ACCSL: variants seen among roughly 807,000 people sequenced by gnomAD.
The protein encoded by ACCSL is probable inactive 1-aminocyclopropane-1-carboxylate synthase-like protein 2.
In ACCSL, 55 loss-of-function variants were observed where a neutral mutation model predicts 61.7. That is an observed-to-expected ratio of 0.89 (90% CI 0.72 to 1.12). The LOEUF (loss-of-function observed/expected upper bound fraction) is 1.12, where lower values mean the gene tolerates loss of function less well. Among genes scored for constraint, ACCSL ranks in the 50% most tolerant of loss-of-function variants. The probability of loss-of-function intolerance (pLI) is 0.00; values close to 1 mark genes in which losing one functional copy is unlikely to be tolerated. For missense variants in ACCSL, 632 were observed against 698.0 expected, an observed-to-expected ratio of 0.91 and a Z score of 1.07; for synonymous variants, 258 against 264.3, an observed-to-expected ratio of 0.98 and a Z score of 0.23.
At chr11:44,001,557 G>C in the ACCSL span, among the ~76,000 whole-genome samples, 25 of 152,068 alleles carry the variant, frequency 1.6e-4, no homozygotes, top group Admixed American at 1.6e-3. Context: ...CTGGCTTGTC[G>C]GGGGCAGAGT....
chr11:44,030,409 C>T, the ACCSL span, among the ~76,000 whole-genome samples: 15 of 151,630 alleles, frequency 9.9e-5, no homozygotes, highest in African/African-American at 2.7e-4. Context: ...CATCCCTCCC[C>T]GCCTATTCTC....
chr11:43,964,875 A>T, the ACCSL span, among the ~76,000 whole-genome samples: 1 of 152,226 alleles, frequency 6.6e-6, no homozygotes. Context: ...CAGAAAAAGC[A>T]TTTGACAAAA....
upstream of ACCSL, among the ~76,000 whole-genome samples, chr11:44,043,378 G>A (rs575956514): frequency 4.6e-5 from 7 of 152,268 alleles, no homozygotes; most frequent in South Asian, 1.4e-3. Context: ...GATTCTAAGT[G>A]GAGTTATTTT....
At chr11:43,982,721 C>T in the ACCSL span, among the ~76,000 whole-genome samples, 7 of 152,098 alleles carry the variant, frequency 4.6e-5, no homozygotes, top group African/African-American at 1.2e-4. Flanking sequence ...GCTCTGGTCC[C>T]GACTGAGCCA....
rs1457602569 is a variant in ACCSL at position 44,058,624 on chromosome 11, G to C, written c.1549G>C (p.Gly517Arg). ...FLDNKLLLSR[G>R]KTYMCKEPGW... is the part of the protein sequence containing the mutation. ...GGACAACAAGCTATTGTTATCCCGT[G>C]GCAAAACCTACATGTGTAAGGAGCC... The change falls in exon 13 of 14, where the codon GGC (glycine) becomes CGC (arginine). Residue 517 changes from glycine to arginine, a missense_variant. Coordinates refer to ENST00000378832, the MANE Select transcript of ACCSL (RefSeq NM_001031854.2). 1 of 1,613,922 alleles carries C rather than the reference G, an allele frequency of 6.2e-7. No homozygotes were observed. The highest frequency in any genetic ancestry group is 8.5e-7 in the Non-Finnish European group (1 of 1,180,008).
the ACCSL span, among the ~76,000 whole-genome samples, chr11:43,962,872 T>C: frequency 2.9e-4 from 44 of 152,294 alleles, no homozygotes; most frequent in African/African-American, 9.9e-4. Context: ...TCAAGGAAGA[T>C]GCATTTTCTG....
chr11:44,002,281 C>T, the ACCSL span, among the ~76,000 whole-genome samples: 1 of 152,036 alleles, frequency 6.6e-6, no homozygotes, highest in Non-Finnish European at 1.5e-5. Context: ...GGCCTGGCCT[C>T]GAAGGATTCT....
the ACCSL span, among the ~76,000 whole-genome samples, chr11:43,967,977 G>C: frequency 6.6e-6 from 1 of 152,120 alleles, no homozygotes; most frequent in Non-Finnish European, 1.5e-5. Context: ...TTATATACCA[G>C]GGATCTCGGT....
At chr11:43,925,306 T>C in the ACCSL span, 1 of 452,520 alleles carries the variant, frequency 2.2e-6, no homozygotes, top group Non-Finnish European at 4.5e-6. Context: ...CAGTGTTCTT[T>C]CTGCCACTCT....
the ACCSL span, among the ~76,000 whole-genome samples, chr11:44,030,057 A>ATTTTTTT: frequency 4.5e-4 from 2 of 4,446 alleles, no homozygotes; most frequent in Non-Finnish European, 8.2e-4. Context: ...TCTTTGGTTG[A>ATTTTTTT]TTTTTTTTTT....
At chr11:44,018,995 A>G in the ACCSL span, among the ~76,000 whole-genome samples, 1 of 151,970 alleles carries the variant, frequency 6.6e-6, no homozygotes, top group Non-Finnish European at 1.5e-5. Context: ...CCACTAATTC[A>G]TTTTCTGTCT....
At chr11:44,000,152 T>G in the ACCSL span, among the ~76,000 whole-genome samples, 3 of 151,852 alleles carry the variant, frequency 2.0e-5, no homozygotes, top group Non-Finnish European at 4.4e-5. Flanking sequence ...TGAGATGGAG[T>G]CTTGCTCTGT....
the ACCSL span, among the ~76,000 whole-genome samples, chr11:43,984,654 T>A: frequency 2.0e-5 from 3 of 152,394 alleles, no homozygotes; most frequent in African/African-American, 4.8e-5. Context: ...CTGTGGATCT[T>A]GCCAAGATGT....
chr11:43,981,855 C>G, the ACCSL span, among the ~76,000 whole-genome samples: 2 of 152,222 alleles, frequency 1.3e-5, no homozygotes, highest in African/African-American at 4.8e-5. Flanking sequence ...CTCCCCTCTC[C>G]CCGCCCAGGG....
the ACCSL span, among the ~76,000 whole-genome samples, chr11:44,013,528 G>A: frequency 6.6e-6 from 1 of 152,172 alleles, no homozygotes; most frequent in Non-Finnish European, 1.5e-5. Flanking sequence ...CCTGACCTCA[G>A]GTGATCCACC....
chr11:43,964,889 A>T, the ACCSL span, among the ~76,000 whole-genome samples: 3 of 152,230 alleles, frequency 2.0e-5, no homozygotes, highest in Non-Finnish European at 4.4e-5. Context: ...GACAAAACCT[A>T]ACACATTTTC....
chr11:44,046,419 T>G (rs1028985129), upstream of ACCSL, among the ~76,000 whole-genome samples: 4 of 152,206 alleles, frequency 2.6e-5, no homozygotes, highest in Non-Finnish European at 5.9e-5. Flanking sequence ...TGGTTATGCC[T>G]CTCCTACTCA....
chr11:44,025,595 A>C, the ACCSL span, among the ~76,000 whole-genome samples: 1,144 of 150,516 alleles, frequency 7.6e-3, 16 homozygotes, highest in African/African-American at 0.027. Flanking sequence ...GTTATAAACA[A>C]AAACATATCT....
At chr11:43,987,258 G>C in the ACCSL span, among the ~76,000 whole-genome samples, 2 of 152,226 alleles carry the variant, frequency 1.3e-5, no homozygotes, top group Non-Finnish European at 2.9e-5. Flanking sequence ...CCTGGGTCCA[G>C]GTGGTGGCCC....
Sources: allele counts gnomAD v4.1 joint callset (sites outside exome capture counted in the v4.1 genomes callset), GRCh38; gene constraint gnomAD v4.1.1; transcripts MANE v1.5; gene names NCBI Gene and HGNC (gene_info 2026-07-23, HGNC 2026-07-21).